CCDC180: variants seen among roughly 807,000 people sequenced by gnomAD.
The protein encoded by CCDC180 is coiled-coil domain containing 180.
In CCDC180, 154 loss-of-function variants were observed where a neutral mutation model predicts 209.2. The ratio of observed to expected loss-of-function variants is 0.74; its 90% CI spans 0.65 to 0.84. The LOEUF is 0.84. Ranked by LOEUF, CCDC180 falls within the 40% of genes least tolerant of loss-of-function variation. The pLI is 0.00. For missense variants in CCDC180, 1,874 were observed against 1,997.3 expected (o/e 0.94, Z 1.18); for synonymous variants, 778 against 749.1 (o/e 1.04, Z -0.63).
intron 18 of CCDC180, among the ~76,000 whole-genome samples, chr9:97,336,210 T>C (rs770877972): frequency 2.6e-5 from 4 of 152,238 alleles, no homozygotes; most frequent in Non-Finnish European, 5.9e-5. Context: ...CCATTGCTTT[T>C]GGTGTTTTAG....
At chr9:97,340,946 T>C (rs1587811745) in intron 18 of CCDC180, among the ~76,000 whole-genome samples, 1 of 152,228 alleles carries the variant, frequency 6.6e-6, no homozygotes, top group Non-Finnish European at 1.5e-5. Context: ...GCTCCTAGTC[T>C]GCCTTCATGT....
chr9:97,331,548 A>G (rs1293989225), intron 18 of CCDC180, among the ~76,000 whole-genome samples: 1 of 152,190 alleles, frequency 6.6e-6, no homozygotes, highest in Non-Finnish European at 1.5e-5. Context: ...TTTCTCTGCA[A>G]TCTTGCCAGC....
chr9:97,360,748 A>C (rs1826728471), intron 26 of CCDC180, among the ~76,000 whole-genome samples: 1 of 150,510 alleles, frequency 6.6e-6, no homozygotes, highest in Non-Finnish European at 1.5e-5. Flanking sequence ...AGCACCTCCC[A>C]CTTCCCCACA....
chr9:97,333,828 AT>A (rs35239022), intron 18 of CCDC180, among the ~76,000 whole-genome samples: 172 of 148,038 alleles, frequency 1.2e-3, no homozygotes, highest in Middle Eastern at 3.4e-3. Flanking sequence ...ATTTTTAATT[AT>A]TTTTTTTTTG....
At position 97,361,990 on chromosome 9, in the gene CCDC180, G is replaced by T. The variant is rs1826768331; in HGVS notation, c.3656+92G>T. 17 of 1,451,858 alleles carry T rather than the reference G, an allele frequency of 1.2e-5. 1 individual carries two copies. In the South Asian group the frequency reaches 2.2e-4, roughly 18 times the overall value. The allele number at this position is 1,451,858 out of a possible 1,614,324, so 89.9% of individuals were successfully genotyped here. ...CAGCTTTGGGGCCCCACACACTGGG[G>T]TTCCCACGTGAGTCCACCCCTGAGA... is the stretch of plus-strand genomic sequence containing the variant. On this transcript the variant is annotated intron_variant, in intron 27 of 36. Transcript: ENST00000529487.
intron 12 of CCDC180, among the ~76,000 whole-genome samples, chr9:97,323,550 A>G (rs551797322): frequency 1.2e-4 from 18 of 152,304 alleles, no homozygotes; most frequent in African/African-American, 4.1e-4. Flanking sequence ...GTTGTGAAGC[A>G]TGTTCGGCTG....
chr9:97,359,850 C>A, intron 25 of CCDC180, 132 bp from the exon 26 acceptor site: 1 of 1,184,526 alleles, frequency 8.4e-7, no homozygotes, highest in Non-Finnish European at 1.2e-6. Context: ...GCCTTCCCTG[C>A]ATGTGAGGAG....
Position 97,361,755 on chromosome 9 carries a change from C to T in CCDC180, c.3513C>T (p.Asp1171=), listed in dbSNP as rs749871242. 1.2e-6 allele frequency: 2 copies of T among 1,614,132 alleles called. No homozygotes were observed. Among genetic ancestry groups the T allele is most frequent in the Non-Finnish European group, 1.7e-6 (2 of 1,180,012 alleles). ...CCATCCTGAAGGACCAGGAGGAAGA[C>T]AGTGACATCCTGACATCTTCAGAAG... ...TNTILKDQEE[D]SDILTSSEAL... The change falls in exon 27 of 37, where the codon GAC becomes GAT. Residue 1171 remains aspartate (D), a synonymous_variant. Coordinates refer to ENST00000529487, the MANE Select transcript of CCDC180 (RefSeq NM_020893.6).
intron 28 of CCDC180, chr9:97,363,513 A>C (rs1299485363): frequency 2.0e-6 from 1 of 490,510 alleles, no homozygotes; most frequent in Admixed American, 2.0e-5. Flanking sequence ...AGGTTACGAA[A>C]CAAAGTCCAT....
At position 97,330,556 on chromosome 9, in the gene CCDC180, GCTCTATT is replaced by G; in HGVS notation, c.2065_2071del (p.Ser689ArgfsTer14). The G allele has an allele frequency of 6.2e-7, 1 of 1,614,162 alleles. No individual in the cohort carries two copies. Among genetic ancestry groups the G allele is most frequent in the South Asian group, 1.1e-5 (1 of 91,084 alleles). ...GCTAAGATGGATGAGTCCAAAGAAG[GCTCTATT>G]CAGGGACTGGAAGAAATGCAGGTTG... is the stretch of plus-strand genomic sequence containing the variant. On this transcript the variant is annotated frameshift_variant, in exon 18 of 37. Transcript: ENST00000529487. LOFTEE classifies it high-confidence loss of function.
chr9:97,328,782 A>G (rs1825640336), intron 16 of CCDC180, among the ~76,000 whole-genome samples: 1 of 152,192 alleles, frequency 6.6e-6, no homozygotes, highest in Admixed American at 6.5e-5. Flanking sequence ...AGAGCTCTGA[A>G]CTTTTTTGTG....
chr9:97,328,105 GC>G lies in CCDC180; in HGVS notation c.1750del (p.Leu584SerfsTer37), dbSNP rs1564154541. 2.5e-6 allele frequency: 4 copies of G among 1,614,036 alleles called. No individual in the cohort carries two copies. In the African/African-American group the frequency reaches 5.3e-5, roughly 22 times the overall value. ...GAAAGAACTCAACTCCTACAGCTCT[GC>G]CCTCAGCCAATACTTCTTTGTGCGT... The part of the protein sequence containing the change: ...MLKELNSYSS[A>X]LSQYFFVREI... On this transcript the variant is annotated frameshift_variant, in exon 16 of 37. Transcript: ENST00000529487. LOFTEE classifies it high-confidence loss of function.
At chr9:97,342,959 C>CT (rs1324371034) in intron 18 of CCDC180, among the ~76,000 whole-genome samples, 1 of 152,160 alleles carries the variant, frequency 6.6e-6, no homozygotes, top group African/African-American at 2.4e-5. Flanking sequence ...TTGTAGACTT[C>CT]TTTTTGAGCA....
At chr9:97,375,245 C>T (rs1374222827) in intron 35 of CCDC180, among the ~76,000 whole-genome samples, 1 of 152,162 alleles carries the variant, frequency 6.6e-6, no homozygotes, top group African/African-American at 2.4e-5. Context: ...AACCCCAGAC[C>T]GTGCACAGCA....
chr9:97,316,459 A>G (rs1210025031), intron 8 of CCDC180, among the ~76,000 whole-genome samples: 1 of 152,108 alleles, frequency 6.6e-6, no homozygotes, highest in Admixed American at 6.5e-5. Flanking sequence ...GGGCTTTGGG[A>G]AATGTGTGGA....
In CCDC180 at chr9:97,335,140, CT is replaced by C. The variant is rs143388878; in HGVS notation, c.2274+4374del. ...TGTTAGCTTTCTTCCTTCTTTTGCT[CT>C]ATTAAAAACTCTTTCCCATTTCTTC... On this transcript the variant is annotated intron_variant, in intron 18 of 36. Transcript: ENST00000529487. 5.4e-3 allele frequency among the ~76,000 whole-genome samples: 818 copies of C among 151,984 alleles called. 12 individuals are homozygous for C. The highest frequency in any genetic ancestry group is 0.018 in the African/African-American group (739 of 41,470).
intron 31 of CCDC180, among the ~76,000 whole-genome samples, chr9:97,367,693 C>T (rs1826966993): frequency 1.3e-5 from 2 of 152,244 alleles, no homozygotes; most frequent in Middle Eastern, 6.8e-3. Flanking sequence ...AGGCTGATCT[C>T]GAACTCCTGA....
intron 4 of CCDC180, 116 bp from the exon 5 acceptor site, chr9:97,313,120 C>G: frequency 3.0e-6 from 2 of 672,354 alleles, no homozygotes; most frequent in Non-Finnish European, 5.4e-6. Flanking sequence ...CCACCCTGAC[C>G]TGGCTCTGGG....
chr9:97,371,789 C>T, intron 34 of CCDC180, 83 bp downstream of exon 34: 2 of 756,890 alleles, frequency 2.6e-6, no homozygotes, highest in Non-Finnish European at 4.3e-6. Flanking sequence ...TTCCCCAACT[C>T]TATCAAAGTG....
Sources: gnomAD v4.1 joint callset for allele counts (sites outside exome capture counted in the v4.1 genomes callset) on GRCh38, gnomAD v4.1.1 for gene constraint, MANE v1.5 for transcripts, NCBI Gene and HGNC (gene_info 2026-07-23, HGNC 2026-07-21) for gene names.